The following STUM variants were observed in gnomAD, a reference collection of about 807,000 sequenced individuals.
STUM encodes the protein stum, mechanosensory transduction mediator homolog.
A neutral mutation model predicts 15.3 loss-of-function variants in STUM; 8 were observed. That is an observed-to-expected ratio of 0.52 (90% CI 0.31 to 0.94). The LOEUF is 0.94. Ranked by LOEUF, STUM falls within the 40% of genes least tolerant of loss-of-function variation. The pLI is 0.05. For synonymous variants in STUM, 78 were observed against 88.7 expected (o/e 0.88, Z 0.68); for missense variants, 142 against 204.9 (o/e 0.69, Z 1.87).
intron 1 of STUM, among the ~76,000 whole-genome samples, chr1:226,588,159 A>G (rs1217320262): frequency 6.6e-6 from 1 of 152,184 alleles, no homozygotes; most frequent in Admixed American, 6.5e-5. Flanking sequence ...TCCTCCTTGC[A>G]AATTCCTTGC....
At chr1:226,589,545 G>T (rs911335477) in intron 1 of STUM, among the ~76,000 whole-genome samples, 1 of 152,222 alleles carries the variant, frequency 6.6e-6, no homozygotes, top group African/African-American at 2.4e-5. Flanking sequence ...CTCTCCGTGG[G>T]AGGACTTCCC....
chr1:226,588,495 C>T (rs977760000), intron 1 of STUM, among the ~76,000 whole-genome samples: 3 of 152,222 alleles, frequency 2.0e-5, no homozygotes, highest in African/African-American at 4.8e-5. Flanking sequence ...GGCCCAGGAC[C>T]CTGGCCTTGC....
At chr1:226,583,218 T>C (rs1196028606) in intron 1 of STUM, among the ~76,000 whole-genome samples, 1 of 152,320 alleles carries the variant, frequency 6.6e-6, no homozygotes, top group East Asian at 1.9e-4. Flanking sequence ...TTCTACTTCT[T>C]AATGGGAGGA....
Position 226,603,231 on chromosome 1 carries a change from A to G in STUM, c.*1191A>G, listed in dbSNP as rs1025088734. 7 of 152,178 alleles carry G rather than the reference A, an allele frequency of 4.6e-5. No individual in the cohort carries two copies. Among genetic ancestry groups the G allele is most frequent in the African/African-American group, 1.7e-4 (7 of 41,440 alleles). 9.4% of individuals were successfully genotyped at this position (152,178 alleles called of 1,614,324 possible). On this transcript the variant is annotated 3_prime_UTR_variant, in exon 4 of 4. Transcript: ENST00000366788. ...AGGGTGAAATTGTCGGCATTACACA[A>G]GGACTCCTTCAGTTGCCAAAAGACC... is the stretch of plus-strand genomic sequence containing the variant.
At position 226,603,634 on chromosome 1, in the gene STUM, G is replaced by C. The variant is rs537083896; in HGVS notation, c.*1594G>C. On this transcript the variant is annotated 3_prime_UTR_variant, in exon 4 of 4. Coordinates refer to ENST00000366788, the MANE Select transcript of STUM (RefSeq NM_001003665.4). The stretch of plus-strand genomic sequence containing the variant: ...AAGTGCTTGGGAAGTAGTGGCCACC[G>C]TTCTGGGGGTTTCAGCCCACCTACC... The C allele has an allele frequency of 6.6e-6, 1 of 152,242 alleles. No homozygotes were observed. Among genetic ancestry groups the C allele is most frequent in the Non-Finnish European group, 1.5e-5 (1 of 68,076 alleles). The allele number at this position is 152,242 out of a possible 1,614,324, so 9.4% of individuals were successfully genotyped here.
At chr1:226,573,702 G>T (rs1303856109) in intron 1 of STUM, among the ~76,000 whole-genome samples, 1 of 152,030 alleles carries the variant, frequency 6.6e-6, no homozygotes, top group Admixed American at 6.6e-5. Flanking sequence ...ATGATATTTT[G>T]ATATACGTAG....
chr1:226,567,832 T>C lies in STUM; in HGVS notation c.202+18726T>C, dbSNP rs901551880. Among the ~76,000 whole-genome samples the C allele has an allele frequency of 2.0e-5, 3 of 152,180 alleles. No individual in the cohort carries two copies. The highest frequency in any genetic ancestry group is 4.4e-5 in the Non-Finnish European group (3 of 68,026). On this transcript the variant is annotated intron_variant, in intron 1 of 3. Transcript: ENST00000366788. This position sits in a 1 kb window ranked among gnomAD's most constrained non-coding sequence, Gnocchi z 4.5. ...ACACAGCTGAGGGGCTTGAATCATATAGAATTATGAATCATAAAGAATTAT... is the reference window on the plus strand; with the variant it reads ...ACACAGCTGAGGGGCTTGAATCATACAGAATTATGAATCATAAAGAATTAT...
chr1:226,583,888 C>A (rs1358379144), intron 1 of STUM, among the ~76,000 whole-genome samples: 2 of 152,178 alleles, frequency 1.3e-5, no homozygotes, highest in Non-Finnish European at 2.9e-5. Flanking sequence ...GCTGTAAAAA[C>A]CAAACATCCT....
At chr1:226,576,806 C>G (rs984003023) in intron 1 of STUM, among the ~76,000 whole-genome samples, 1 of 152,198 alleles carries the variant, frequency 6.6e-6, no homozygotes, top group African/African-American at 2.4e-5. Flanking sequence ...TGTCTAGTTC[C>G]GTGGACACAC....
intron 1 of STUM, among the ~76,000 whole-genome samples, chr1:226,564,907 G>A (rs929914602): frequency 4.6e-5 from 7 of 152,120 alleles, no homozygotes; most frequent in Non-Finnish European, 7.4e-5. Flanking sequence ...AGCAGAGGTG[G>A]GCAGGGGAGG....
At chr1:226,582,517 C>T (rs1378242301) in intron 1 of STUM, among the ~76,000 whole-genome samples, 6 of 151,754 alleles carry the variant, frequency 4.0e-5, no homozygotes, top group Non-Finnish European at 7.4e-5. Context: ...ATCACTTGAA[C>T]CTGGGAGGTG....
chr1:226,589,804 G>C (rs1347870310), intron 1 of STUM, among the ~76,000 whole-genome samples: 1 of 152,116 alleles, frequency 6.6e-6, no homozygotes, highest in African/African-American at 2.4e-5. Flanking sequence ...TGAGTCATGT[G>C]GGGGAAGCCG....
At chr1:226,576,548 G>T (rs925448978) in intron 1 of STUM, among the ~76,000 whole-genome samples, 2 of 152,048 alleles carry the variant, frequency 1.3e-5, no homozygotes, top group Non-Finnish European at 2.9e-5. Flanking sequence ...CACCCAAAAG[G>T]CATTTTTTTT....
intron 1 of STUM, among the ~76,000 whole-genome samples, chr1:226,584,426 A>G (rs1432257385): frequency 6.6e-6 from 1 of 152,246 alleles, no homozygotes; most frequent in East Asian, 1.9e-4. Context: ...ATTAGAGTTC[A>G]GTTTTAAGAG....
chr1:226,593,110 T>A (rs1668116047), intron 1 of STUM, among the ~76,000 whole-genome samples: 1 of 141,638 alleles, frequency 7.1e-6, no homozygotes, highest in South Asian at 2.3e-4. Flanking sequence ...CACTTGAACC[T>A]GGGAGGTGGA....
chr1:226,571,529 G>A (rs1304842384), intron 1 of STUM, among the ~76,000 whole-genome samples: 1 of 152,162 alleles, frequency 6.6e-6, no homozygotes, highest in Non-Finnish European at 1.5e-5. Context: ...TGAGTTCAAG[G>A]TTAGTGAAAA....
chr1:226,587,966 A>G (rs1273530993), intron 1 of STUM, among the ~76,000 whole-genome samples: 2 of 152,102 alleles, frequency 1.3e-5, no homozygotes, highest in Admixed American at 6.5e-5. Flanking sequence ...TGACCTCACT[A>G]TGGTGTCTGT....
intron 1 of STUM, among the ~76,000 whole-genome samples, chr1:226,560,848 T>A (rs778094445): frequency 1.3e-5 from 2 of 152,188 alleles, no homozygotes; most frequent in Non-Finnish European, 2.9e-5. Context: ...TCCCCTGAAA[T>A]TTTTCAGGAG....
Position 226,552,290 on chromosome 1 carries a change from A to G in STUM, c.202+3184A>G, listed in dbSNP as rs1198910646. ...TGATTTATGATCACTCCAACTCCTCACTGAAACAATGAAAAACAATTTTTA... is the reference window on the plus strand; with the variant it reads ...TGATTTATGATCACTCCAACTCCTCGCTGAAACAATGAAAAACAATTTTTA... On this transcript the variant is annotated intron_variant, in intron 1 of 3. Transcript: ENST00000366788. This position sits in a 1 kb window ranked among gnomAD's most constrained non-coding sequence, Gnocchi z 4.7. Among the ~76,000 whole-genome samples the G allele has an allele frequency of 6.6e-6, 1 of 152,178 alleles. No homozygotes were observed. The highest frequency in any genetic ancestry group is 6.5e-5 in the Admixed American group (1 of 15,284).
Sources: gnomAD v4.1 joint callset for allele counts (sites outside exome capture counted in the v4.1 genomes callset) on GRCh38, gnomAD v4.1.1 for gene constraint, Gnocchi (gnomAD v3.1) non-coding constraint, MANE v1.5 for transcripts, NCBI Gene and HGNC (gene_info 2026-07-23, HGNC 2026-07-21) for gene names.